MALRD1: variants seen among roughly 807,000 people sequenced by gnomAD.
MALRD1 encodes the protein MAM and LDL-receptor class A domain-containing protein 1.
In MALRD1, 247 loss-of-function variants were observed where a neutral mutation model predicts 242.1. The ratio of observed to expected loss-of-function variants is 1.02; its 90% CI spans 0.92 to 1.13. The LOEUF is 1.13. MALRD1 is among the 50% of genes most tolerant of loss of function. The pLI is 0.00. For synonymous variants in MALRD1, 995 were observed against 866.6 expected (o/e 1.15, Z -2.60); for missense variants, 2,989 against 2,533.1 (o/e 1.18, Z -3.86).
chr10:19,547,819 T>TATATATATATATA (rs1491504993), intron 32 of MALRD1, among the ~76,000 whole-genome samples: 131 of 12,392 alleles, frequency 0.011, 7 homozygotes, highest in Non-Finnish European at 0.015. Flanking sequence ...TATATATATA[T>TATATATATATATA]TTTTTTTTTT....
intron 10 of MALRD1, among the ~76,000 whole-genome samples, chr10:19,142,330 T>C (rs1214057015): frequency 6.6e-6 from 1 of 152,116 alleles, no homozygotes; most frequent in Non-Finnish European, 1.5e-5. Context: ...AAATCTAATA[T>C]ATTCTCATTA....
At chr10:19,310,722 A>G (rs1842392068) in intron 21 of MALRD1, among the ~76,000 whole-genome samples, 1 of 151,394 alleles carries the variant, frequency 6.6e-6, no homozygotes, top group Non-Finnish European at 1.5e-5. Flanking sequence ...TTCTTCCAAT[A>G]TGACTCTATT....
chr10:19,613,776 A>T (rs1037508779), intron 35 of MALRD1, among the ~76,000 whole-genome samples: 10 of 152,068 alleles, frequency 6.6e-5, no homozygotes, highest in African/African-American at 2.4e-4. Context: ...CTATCTTTGT[A>T]TTATGAGCAA....
At chr10:19,209,779 T>A (rs1836962196) in intron 18 of MALRD1, 99 bp downstream of exon 18, 10 of 1,213,144 alleles carry the variant, frequency 8.2e-6, no homozygotes, top group Non-Finnish European at 1.1e-5. Flanking sequence ...CAAGTGGAAT[T>A]TGATCAAAGT....
intron 26 of MALRD1, among the ~76,000 whole-genome samples, chr10:19,372,299 C>A (rs1845413231): frequency 6.6e-6 from 1 of 151,906 alleles, no homozygotes; most frequent in Non-Finnish European, 1.5e-5. Context: ...AGACCTATAT[C>A]CTTATCTCTC....
intron 36 of MALRD1, among the ~76,000 whole-genome samples, chr10:19,658,924 A>G (rs528848363): frequency 2.0e-5 from 3 of 152,328 alleles, no homozygotes; most frequent in South Asian, 4.1e-4. Flanking sequence ...TTTAAGAAAG[A>G]AATGAAAAAT....
chr10:19,393,746 C>T (rs1309708710), intron 28 of MALRD1, among the ~76,000 whole-genome samples: 7 of 151,888 alleles, frequency 4.6e-5, no homozygotes, highest in Non-Finnish European at 7.4e-5. Flanking sequence ...TGAGCCACCG[C>T]GCCCGGCCCT....
intron 28 of MALRD1, among the ~76,000 whole-genome samples, chr10:19,391,594 T>C (rs1391409148): frequency 6.6e-6 from 1 of 152,180 alleles, no homozygotes; most frequent in Non-Finnish European, 1.5e-5. Context: ...CTATTCTTAG[T>C]TAGGCCCCCT....
intron 29 of MALRD1, among the ~76,000 whole-genome samples, chr10:19,452,845 A>G (rs1205913401): frequency 2.6e-5 from 4 of 152,172 alleles, no homozygotes; most frequent in African/African-American, 9.7e-5. Context: ...GTGGTTAAGA[A>G]CAAGGAGCCT....
chr10:19,207,581 A>C (rs1185907500), intron 17 of MALRD1, among the ~76,000 whole-genome samples: 1 of 151,970 alleles, frequency 6.6e-6, no homozygotes, highest in Non-Finnish European at 1.5e-5. Flanking sequence ...GCTCACTGCA[A>C]CCTCTGCCTC....
intron 12 of MALRD1, among the ~76,000 whole-genome samples, chr10:19,165,049 G>A (rs1834614490): frequency 6.6e-6 from 1 of 151,044 alleles, no homozygotes; most frequent in African/African-American, 2.4e-5. Context: ...TTTCTTGTTT[G>A]AAACATCAAG....
intron 2 of MALRD1, among the ~76,000 whole-genome samples, chr10:19,079,704 G>A (rs191783229): frequency 1.3e-5 from 2 of 151,844 alleles, no homozygotes; most frequent in East Asian, 3.9e-4. Context: ...TTCTTGATTG[G>A]TTGACCCATT....
intron 24 of MALRD1, among the ~76,000 whole-genome samples, chr10:19,341,482 GTGTATATATATGTA>G (rs1843858361): frequency 1.2e-5 from 1 of 86,800 alleles, no homozygotes; most frequent in Non-Finnish European, 2.6e-5. Flanking sequence ...GTATATATAT[GTGTATATATATGTA>G]TATATGTATA....
intron 5 of MALRD1, among the ~76,000 whole-genome samples, chr10:19,120,038 C>G (rs1241138580): frequency 6.6e-6 from 1 of 151,996 alleles, no homozygotes; most frequent in Non-Finnish European, 1.5e-5. Flanking sequence ...GAGTTGGAGT[C>G]CACAAAAATT....
chr10:19,611,904 CTG>C (rs1229143885), intron 35 of MALRD1, among the ~76,000 whole-genome samples: 4 of 152,118 alleles, frequency 2.6e-5, no homozygotes, highest in African/African-American at 9.6e-5. Flanking sequence ...CAGTGAACAT[CTG>C]TGTTCTTTGC....
intron 28 of MALRD1, among the ~76,000 whole-genome samples, chr10:19,407,498 TAAAAATA>T (rs1180507377): frequency 6.6e-6 from 1 of 151,114 alleles, no homozygotes. Flanking sequence ...ATAATAAAAA[TAAAAATA>T]AAAAATAAAG....
intron 18 of MALRD1, among the ~76,000 whole-genome samples, chr10:19,256,852 G>A (rs1312257038): frequency 1.3e-5 from 2 of 152,048 alleles, no homozygotes; most frequent in Non-Finnish European, 1.5e-5. Flanking sequence ...GAAAACATAT[G>A]TTCATATAAT....
intron 26 of MALRD1, among the ~76,000 whole-genome samples, chr10:19,368,871 ATG>A (rs35474463): frequency 0.57 from 80,140 of 141,366 alleles, 22,768 homozygotes; most frequent in Middle Eastern, 0.61. Flanking sequence ...TGATTTGTGT[ATG>A]TGTGTGTGTG....
At chr10:19,174,307 A>C (rs1564443351) in intron 13 of MALRD1, among the ~76,000 whole-genome samples, 1 of 152,280 alleles carries the variant, frequency 6.6e-6, no homozygotes, top group South Asian at 2.1e-4. Flanking sequence ...AAGAGAGGGG[A>C]AGGCAGAGAG....
Sources: allele counts gnomAD v4.1 joint callset (sites outside exome capture counted in the v4.1 genomes callset), GRCh38; gene constraint gnomAD v4.1.1; transcripts MANE v1.5; gene names NCBI Gene and HGNC (gene_info 2026-07-23, HGNC 2026-07-21).